The following ADAMTS2 variants were observed in gnomAD, a reference collection of about 807,000 sequenced individuals.
The protein encoded by ADAMTS2 is A disintegrin and metalloproteinase with thrombospondin motifs 2.
Under a neutral mutation model 123.0 loss-of-function variants are expected in ADAMTS2, and 50 were observed. The ratio of observed to expected loss-of-function variants is 0.41; its 90% CI spans 0.32 to 0.51. The LOEUF is 0.51. ADAMTS2 is among the 20% of genes least tolerant of loss of function. The pLI is 0.35. For missense variants in ADAMTS2, 1,494 were observed against 1,705.2 expected (o/e 0.88, Z 2.18); for synonymous variants, 678 against 695.4 (o/e 0.98, Z 0.39).
At chr5:179,265,730 G>A (rs576940152) in intron 3 of ADAMTS2, among the ~76,000 whole-genome samples, 175 of 152,344 alleles carry the variant, frequency 1.1e-3, no homozygotes, top group African/African-American at 4.0e-3. Context: ...ACATCACCGC[G>A]CTGGCATCTC....
Position 179,217,860 on chromosome 5 carries a change from G to GAA in ADAMTS2, c.689-10146_689-10145insTT, listed in dbSNP as rs1202056813. 1.2e-4 allele frequency among the ~76,000 whole-genome samples: 7 copies of GAA among 59,756 alleles called. 1 individual carries two copies. Among genetic ancestry groups the GAA allele is most frequent in the African/African-American group, 5.0e-4 (7 of 14,066 alleles). The allele number at this position is 59,756 out of a possible 152,430, so 39.2% of individuals were successfully genotyped here. A position where few individuals can be genotyped will look rare whatever the true frequency, so the allele number is the denominator to read the frequency against. ...CAGACAGGCACACTCACTAGGTAGG[G>GAA]GATGGCCTGAGGGCAGACGGCACAC... is the stretch of plus-strand genomic sequence containing the variant. On this transcript the variant is annotated intron_variant, in intron 3 of 21. Coordinates refer to ENST00000251582, the MANE Select transcript of ADAMTS2 (RefSeq NM_014244.5).
At chr5:179,266,444 G>A (rs1431057022) in intron 3 of ADAMTS2, among the ~76,000 whole-genome samples, 2 of 152,270 alleles carry the variant, frequency 1.3e-5, no homozygotes, top group East Asian at 1.9e-4. Flanking sequence ...CTGCAGCAAT[G>A]TTGCCACAAG....
At chr5:179,238,215 C>T (rs2113444610) in intron 3 of ADAMTS2, among the ~76,000 whole-genome samples, 1 of 152,320 alleles carries the variant, frequency 6.6e-6, no homozygotes, top group Non-Finnish European at 1.5e-5. Context: ...TTCTCTGGAA[C>T]ATGCAGCAGG....
At chr5:179,219,582 G>A (rs1424637109) in intron 3 of ADAMTS2, among the ~76,000 whole-genome samples, 3 of 152,192 alleles carry the variant, frequency 2.0e-5, no homozygotes, top group East Asian at 1.9e-4. Flanking sequence ...GCTCTGGTCC[G>A]GCTCCCAGAT....
At chr5:179,275,925 C>T (rs1383309727) in intron 2 of ADAMTS2, among the ~76,000 whole-genome samples, 5 of 152,198 alleles carry the variant, frequency 3.3e-5, no homozygotes, top group South Asian at 2.1e-4. Flanking sequence ...GGGCAAGGGG[C>T]GCAGGACCCT....
rs115947022 is a variant in ADAMTS2, at chr5:179,316,944, A to C, written c.534+26823T>G. On this transcript the variant is annotated intron_variant, in intron 2 of 21. Transcript: ENST00000251582. ...AGAGAGCAAGACCCTGTCTCAAAAA[A>C]AGGAAATATATTTAATTTTTTAAAA... Among the ~76,000 whole-genome samples the C allele has an allele frequency of 4.9e-3, 754 of 152,326 alleles. 7 individuals carry two copies. Among genetic ancestry groups the C allele is most frequent in the African/African-American group, 0.017 (726 of 41,568 alleles).
rs896050638 is a variant in ADAMTS2, at chr5:179,113,696, A to C, written c.*171T>G. On this transcript the variant is annotated 3_prime_UTR_variant, in exon 22 of 22. Coordinates refer to ENST00000251582, the MANE Select transcript of ADAMTS2 (RefSeq NM_014244.5). Reference sequence around the variant, plus strand: ...GGCTGGGAAGCACACGTGCTAACCTAGTTACCACATGCTCATGCCTATCTT... The same window carrying C: ...GGCTGGGAAGCACACGTGCTAACCTCGTTACCACATGCTCATGCCTATCTT... 2 of 704,264 alleles carry C rather than the reference A, an allele frequency of 2.8e-6. No individual in the cohort carries two copies. The highest frequency in any genetic ancestry group is 4.9e-6 in the Non-Finnish European group (2 of 411,492). 43.6% of individuals were successfully genotyped at this position (704,264 alleles called of 1,614,324 possible). A position where few individuals can be genotyped will look rare whatever the true frequency, so the allele number is the denominator to read the frequency against.
At chr5:179,222,433 T>C (rs1765147483) in intron 3 of ADAMTS2, among the ~76,000 whole-genome samples, 1 of 152,094 alleles carries the variant, frequency 6.6e-6, no homozygotes, top group African/African-American at 2.4e-5. Flanking sequence ...CAAGCCCAGA[T>C]CCCAGGGCCA....
intron 2 of ADAMTS2, among the ~76,000 whole-genome samples, chr5:179,296,684 C>T (rs370682805): frequency 2.6e-5 from 4 of 152,112 alleles, no homozygotes; most frequent in African/African-American, 9.6e-5. Flanking sequence ...GAGGGAGAGG[C>T]GGCGGGCAGA....
At chr5:179,252,836 GA>G (rs1390295833) in intron 3 of ADAMTS2, among the ~76,000 whole-genome samples, 1 of 151,960 alleles carries the variant, frequency 6.6e-6, no homozygotes, top group Non-Finnish European at 1.5e-5. Context: ...ACACCAATTG[GA>G]AAAAAATGGT....
chr5:179,336,107 C>T (rs444735), intron 2 of ADAMTS2, among the ~76,000 whole-genome samples: 45,949 of 152,074 alleles, frequency 0.3, 7,314 homozygotes, highest in East Asian at 0.56. Flanking sequence ...GGCTGGTCCC[C>T]CCAACACGCA....
chr5:179,331,645 C>T (rs1757488168), intron 2 of ADAMTS2, among the ~76,000 whole-genome samples: 1 of 151,358 alleles, frequency 6.6e-6, no homozygotes, highest in Non-Finnish European at 1.5e-5. Context: ...CACCAGGACC[C>T]AGCACAACCG....
Position 179,317,171 on chromosome 5 carries a change from T to C in ADAMTS2, c.534+26596A>G, listed in dbSNP as rs6884587. Among the ~76,000 whole-genome samples, 11,776 of 152,172 alleles carry C rather than the reference T, an allele frequency of 0.077. 503 individuals carry two copies. The highest frequency in any genetic ancestry group is 0.096 in the African/African-American group (3,997 of 41,524). On this transcript the variant is annotated intron_variant, in intron 2 of 21. Coordinates refer to ENST00000251582, the MANE Select transcript of ADAMTS2 (RefSeq NM_014244.5). The surrounding 1 kb of genome is among the most constrained non-coding windows in gnomAD (Gnocchi z 4.9). ...CCAGCCCTCCTGTCACTCTGCCAGC[T>C]GGCAGCAGGGCCACCTCTGAGCATC...
intron 4 of ADAMTS2, among the ~76,000 whole-genome samples, chr5:179,205,647 C>T (rs1764664622): frequency 6.6e-6 from 1 of 152,226 alleles, no homozygotes; most frequent in Non-Finnish European, 1.5e-5. Flanking sequence ...GCCAGTCTCA[C>T]AGACCTAGCA....
At chr5:179,337,943 C>T (rs1452378206) in intron 2 of ADAMTS2, among the ~76,000 whole-genome samples, 1 of 151,728 alleles carries the variant, frequency 6.6e-6, no homozygotes, top group Non-Finnish European at 1.5e-5. Context: ...ACCTGGCCTT[C>T]ACCTCCCAGC....
At chr5:179,143,545 C>A (rs1561776065) in intron 10 of ADAMTS2, among the ~76,000 whole-genome samples, 2 of 152,024 alleles carry the variant, frequency 1.3e-5, no homozygotes, top group Non-Finnish European at 2.9e-5. Context: ...GCAGCAGATG[C>A]AATCAGTGAA....
In ADAMTS2 at chr5:179,139,907, G is replaced by A; in HGVS notation, c.1758C>T (p.Arg586=). 2 of 1,611,800 alleles carry A rather than the reference G, an allele frequency of 1.2e-6. No individual in the cohort carries two copies. The highest frequency in any genetic ancestry group is 2.2e-5 in the East Asian group (1 of 44,882). ...TCGTGVKFRT[R]QCDNPHPANG... ...CAACTCACTGTGGGTTGTCACACTG[G>A]CGGGTCCTGAACTTCACGCCCGTGC... The change falls in exon 11 of 22, where the codon CGC becomes CGT. Residue 586 remains arginine, a synonymous_variant. Coordinates refer to ENST00000251582, the MANE Select transcript of ADAMTS2 (RefSeq NM_014244.5).
intron 3 of ADAMTS2, among the ~76,000 whole-genome samples, chr5:179,268,361 T>C (rs1482335708): frequency 6.6e-6 from 1 of 152,242 alleles, no homozygotes; most frequent in Non-Finnish European, 1.5e-5. Flanking sequence ...GGTGCAATTA[T>C]CTTTTTTTCC....
chr5:179,199,726 G>C (rs530613391), intron 4 of ADAMTS2, among the ~76,000 whole-genome samples: 1 of 152,166 alleles, frequency 6.6e-6, no homozygotes, highest in East Asian at 1.9e-4. Flanking sequence ...CAGCCTCCCT[G>C]AGTCTGGCTG....
Sources: allele counts gnomAD v4.1 joint callset (sites outside exome capture counted in the v4.1 genomes callset), GRCh38; gene constraint gnomAD v4.1.1; non-coding constraint Gnocchi (gnomAD v3.1); transcripts MANE v1.5; gene names NCBI Gene and HGNC (gene_info 2026-07-23, HGNC 2026-07-21).